Variants in IL1RAPL1 observed in about 807,000 individuals in gnomAD.
IL1RAPL1 encodes interleukin 1 receptor accessory protein like 1.
Under a neutral mutation model 48.4 loss-of-function variants are expected in IL1RAPL1, and 3 were observed. The observed-to-expected ratio is 0.06, with a 90% CI of 0.03 to 0.16. The LOEUF (loss-of-function observed/expected upper bound fraction) is 0.16. IL1RAPL1 is among the 10% of genes least tolerant of loss of function. The probability of loss-of-function intolerance (pLI) is 1.00; values close to 1 mark genes in which losing one functional copy is unlikely to be tolerated. For missense variants in IL1RAPL1, 349 were observed against 530.6 expected, an observed-to-expected ratio of 0.66 and a Z score of 3.36; for synonymous variants, 185 against 187.7, an observed-to-expected ratio of 0.99 and a Z score of 0.12.
chrX:29,526,220 A>G (rs185393531), intron 5 of IL1RAPL1, among the ~76,000 whole-genome samples: 34 of 112,062 alleles, frequency 3.0e-4, no homozygotes, highest in Admixed American at 1.8e-3. Context: ...AGGATTTAAA[A>G]TATACTGCAT....
intron 5 of IL1RAPL1, among the ~76,000 whole-genome samples, chrX:29,440,124 G>T (rs1934531534): frequency 9.1e-6 from 1 of 109,366 alleles, no homozygotes. Flanking sequence ...TTCAGATAGA[G>T]ATCATGGAAT....
chrX:29,752,918 C>T (rs1395855656), intron 6 of IL1RAPL1, among the ~76,000 whole-genome samples: 1 of 112,053 alleles, frequency 8.9e-6, no homozygotes, highest in Non-Finnish European at 1.9e-5. Flanking sequence ...ATAATAAAAA[C>T]TATCAATGTG....
chrX:29,178,446 A>AT (rs1271346243), intron 2 of IL1RAPL1, among the ~76,000 whole-genome samples: 2 of 111,256 alleles, frequency 1.8e-5, no homozygotes, highest in East Asian at 5.7e-4. Flanking sequence ...GGGTTGTTTG[A>AT]TTTTTTTCTT....
At chrX:29,246,421 C>T (rs140379378) in intron 2 of IL1RAPL1, among the ~76,000 whole-genome samples, 1 of 110,141 alleles carries the variant, frequency 9.1e-6, no homozygotes. Context: ...CATCATCCTT[C>T]TAGTCATGAC....
rs901136148 is a variant in IL1RAPL1 at position 28,850,467 on chromosome X, A to T, written c.82+61042A>T. On this transcript the variant is annotated intron_variant, in intron 2 of 10. Transcript: ENST00000378993. ...GGGATGTGGGAACTCCACTGATGGCAATGTGAGCTCAAGAATCCCCATGAA... is the reference window on the plus strand; with the variant it reads ...GGGATGTGGGAACTCCACTGATGGCTATGTGAGCTCAAGAATCCCCATGAA... Among the ~76,000 whole-genome samples the T allele has an allele frequency of 3.6e-5, 4 of 110,960 alleles. No homozygotes were observed. In the South Asian group the frequency reaches 1.2e-3, roughly 32 times the overall value.
chrX:29,851,182 A>C (rs1470195381), intron 6 of IL1RAPL1, among the ~76,000 whole-genome samples: 2 of 111,439 alleles, frequency 1.8e-5, no homozygotes, highest in Non-Finnish European at 3.8e-5. Flanking sequence ...ATCTTGACCC[A>C]TATTTCTGTA....
intron 1 of IL1RAPL1, among the ~76,000 whole-genome samples, chrX:28,765,816 A>C (rs1402049759): frequency 1.1e-4 from 12 of 112,360 alleles, no homozygotes; most frequent in Non-Finnish European, 1.3e-4. Context: ...ATATAGTTTG[A>C]AAAACACATG....
chrX:29,328,751 G>C (rs772955014), intron 3 of IL1RAPL1, among the ~76,000 whole-genome samples: 10 of 109,331 alleles, frequency 9.1e-5, no homozygotes, highest in African/African-American at 3.3e-4. Context: ...CGTCATGGAG[G>C]GCAGCTCTGT....
chrX:29,233,207 T>C (rs967850310), intron 2 of IL1RAPL1, among the ~76,000 whole-genome samples: 1 of 111,612 alleles, frequency 9.0e-6, no homozygotes, highest in Non-Finnish European at 1.9e-5. Context: ...CTCAAGCTCC[T>C]AGAAATCTCA....
chrX:29,063,626 G>C (rs111723896), intron 2 of IL1RAPL1, among the ~76,000 whole-genome samples: 17 of 111,946 alleles, frequency 1.5e-4, no homozygotes, highest in African/African-American at 5.5e-4. Flanking sequence ...CTGATTTGTG[G>C]TTAGTGCAGT....
rs529502758 is a variant in IL1RAPL1 at position 29,319,554 on chromosome X, G to GTATCTATCTATCTATC, written c.362+36340_362+36341insCTATCTATCTATCTAT. Among the ~76,000 whole-genome samples the GTATCTATCTATCTATC allele has an allele frequency of 1.9e-4, 16 of 84,970 alleles. No homozygotes were observed. In the East Asian group the frequency reaches 2.8e-3, roughly 15 times the overall value. 73.8% of individuals were successfully genotyped at this position (84,970 alleles called of 115,157 possible). A position where few individuals can be genotyped will look rare whatever the true frequency, so the allele number is the denominator to read the frequency against. On this transcript the variant is annotated intron_variant, in intron 3 of 10. Transcript: ENST00000378993. Reference sequence around the variant, plus strand: ...TGTATGTATGTATGTATGTATGTATGTATGTATCTATCTATCTATCTATCC... The same window carrying GTATCTATCTATCTATC: ...TGTATGTATGTATGTATGTATGTATGTATCTATCTATCTATCTATGTATCTATCTATCTATCTATCC...
chrX:29,442,634 T>C (rs1934560659), intron 5 of IL1RAPL1, among the ~76,000 whole-genome samples: 1 of 111,686 alleles, frequency 9.0e-6, no homozygotes, highest in Non-Finnish European at 1.9e-5. Flanking sequence ...GGCAGGAAGA[T>C]TGCTTAAACC....
intron 2 of IL1RAPL1, among the ~76,000 whole-genome samples, chrX:29,113,797 T>C (rs769889065): frequency 7.4e-4 from 82 of 111,386 alleles, no homozygotes; most frequent in Non-Finnish European, 1.3e-3. Context: ...GGAGGGGGCT[T>C]GTATGCAGAT....
chrX:29,349,082 A>G (rs2147651162), intron 3 of IL1RAPL1, among the ~76,000 whole-genome samples: 1 of 112,557 alleles, frequency 8.9e-6, no homozygotes, highest in East Asian at 2.8e-4. Flanking sequence ...ACCCAAAGAC[A>G]CAGGGGAAAT....
At chrX:29,069,411 A>G (rs1199834988) in intron 2 of IL1RAPL1, among the ~76,000 whole-genome samples, 1 of 111,438 alleles carries the variant, frequency 9.0e-6, no homozygotes, top group Non-Finnish European at 1.9e-5. Flanking sequence ...TTTTTTTCCA[A>G]AGGACTGTAA....
At chrX:28,833,857 A>G (rs866118030) in intron 2 of IL1RAPL1, among the ~76,000 whole-genome samples, 1 of 112,272 alleles carries the variant, frequency 8.9e-6, no homozygotes, top group South Asian at 3.6e-4. Context: ...GGTGACTTTT[A>G]TGTAATGTAG....
In IL1RAPL1 at chrX:28,800,366, G is replaced by A. The variant is rs1569175703; in HGVS notation, c.82+10941G>A. ...GGTCTTGGCGGACATATCTTTTGGG[G>A]GACCACTGTTCACACTGCAAATGTC... On this transcript the variant is annotated intron_variant, in intron 2 of 10. Coordinates refer to ENST00000378993, the MANE Select transcript of IL1RAPL1 (RefSeq NM_014271.4). 1.8e-5 allele frequency among the ~76,000 whole-genome samples: 2 copies of A among 111,834 alleles called. 1 individual carries two copies. Among genetic ancestry groups the A allele is most frequent in the South Asian group, 7.5e-4 (2 of 2,652 alleles).
chrX:29,225,817 G>C (rs1356873040), intron 2 of IL1RAPL1, among the ~76,000 whole-genome samples: 1 of 111,851 alleles, frequency 8.9e-6, no homozygotes, highest in Non-Finnish European at 1.9e-5. Flanking sequence ...CCAGGTCCTT[G>C]AGAAAGAATT....
At chrX:28,894,804 G>A (rs1398242115) in intron 2 of IL1RAPL1, among the ~76,000 whole-genome samples, 5 of 111,368 alleles carry the variant, frequency 4.5e-5, no homozygotes, top group Middle Eastern at 4.6e-3. Flanking sequence ...AATTCTGACC[G>A]CACTAACCAT....
Sources: allele counts gnomAD v4.1 joint callset (sites outside exome capture counted in the v4.1 genomes callset), GRCh38; gene constraint gnomAD v4.1.1; transcripts MANE v1.5; gene names NCBI Gene and HGNC (gene_info 2026-07-23, HGNC 2026-07-21).